BTBD9: variants seen among roughly 807,000 people sequenced by gnomAD.
The protein encoded by BTBD9 is BTB/POZ domain-containing protein 9.
BTBD9 carries 49 observed loss-of-function variants against 64.3 expected under a neutral mutation model. That is an observed-to-expected ratio of 0.76 (90% CI 0.61 to 0.97). The LOEUF (loss-of-function observed/expected upper bound fraction) is 0.97, where lower values mean the gene tolerates loss of function less well. Ranked by LOEUF, BTBD9 falls within the 50% of genes least tolerant of loss-of-function variation. The pLI is 0.00. For missense variants in BTBD9, 598 were observed against 762.1 expected (o/e 0.78, Z 2.53); for synonymous variants, 260 against 274.7 (o/e 0.95, Z 0.53).
At chr6:38,607,766 A>AG (rs1451550748) in intron 1 of BTBD9, among the ~76,000 whole-genome samples, 1 of 87,104 alleles carries the variant, frequency 1.1e-5, no homozygotes, top group Non-Finnish European at 2.2e-5. Flanking sequence ...AAGACTCCCA[A>AG]GGCAAAAAAA....
intron 4 of BTBD9, among the ~76,000 whole-genome samples, chr6:38,590,085 A>C (rs905638813): frequency 6.6e-6 from 1 of 152,218 alleles, no homozygotes; most frequent in African/African-American, 2.4e-5. Context: ...GCATTCACCA[A>C]GCATTCACCA....
chr6:38,318,759 C>A (rs1456977360), intron 7 of BTBD9, among the ~76,000 whole-genome samples: 4 of 152,182 alleles, frequency 2.6e-5, no homozygotes, highest in African/African-American at 7.2e-5. Context: ...ACCACTGTAA[C>A]CACTACCTAG....
chr6:38,184,797 G>GT lies in BTBD9; in HGVS notation c.1641+7721dup, dbSNP rs1427626608. ...TTTTTCTTTAAGAGTCTGTTTCCCTGTTTTGTTTTTTTCCATTAGAGCCAC... is the reference window on the plus strand; with the variant it reads ...TTTTTCTTTAAGAGTCTGTTTCCCTGTTTTTGTTTTTTTCCATTAGAGCCAC... On this transcript the variant is annotated intron_variant, in intron 10 of 10. Transcript: ENST00000481247. The surrounding 1 kb of genome is among the most constrained non-coding windows in gnomAD (Gnocchi z 4.4). Among the ~76,000 whole-genome samples, 1 of 152,112 alleles carries GT rather than the reference G, an allele frequency of 6.6e-6. No individual in the cohort carries two copies. Among genetic ancestry groups the GT allele is most frequent in the African/African-American group, 2.4e-5 (1 of 41,380 alleles).
intron 6 of BTBD9, among the ~76,000 whole-genome samples, chr6:38,451,449 C>T (rs368005316): frequency 6.6e-6 from 1 of 152,110 alleles, no homozygotes; most frequent in East Asian, 1.9e-4. Flanking sequence ...TTTCTTTCAG[C>T]GTTCTCAGGT....
intron 6 of BTBD9, among the ~76,000 whole-genome samples, chr6:38,409,334 C>G (rs1767307527): frequency 1.3e-5 from 2 of 152,304 alleles, no homozygotes; most frequent in South Asian, 4.1e-4. Flanking sequence ...GCTTAATCAG[C>G]ATACTTTTCT....
At chr6:38,537,891 G>A (rs1205056795) in intron 6 of BTBD9, among the ~76,000 whole-genome samples, 5 of 152,110 alleles carry the variant, frequency 3.3e-5, no homozygotes, top group Non-Finnish European at 7.4e-5. Context: ...ACTGTACTCT[G>A]CTATCACCAA....
At chr6:38,566,204 T>A (rs991367163) in intron 6 of BTBD9, 13 of 152,150 alleles carry the variant, frequency 8.5e-5, no homozygotes, top group African/African-American at 2.9e-4. Context: ...TTGTGTATGA[T>A]TACACATAGA....
intron 6 of BTBD9, among the ~76,000 whole-genome samples, chr6:38,546,248 GA>G (rs1774549922): frequency 6.6e-6 from 1 of 152,156 alleles, no homozygotes; most frequent in Non-Finnish European, 1.5e-5. Flanking sequence ...GATCTACAAG[GA>G]CAAGAATGAG....
chr6:38,338,501 A>C (rs1488343660), intron 7 of BTBD9, among the ~76,000 whole-genome samples: 1 of 152,202 alleles, frequency 6.6e-6, no homozygotes, highest in Admixed American at 6.5e-5. Flanking sequence ...GTAACACTTT[A>C]ACGGCCTAAA....
chr6:38,638,442 C>G (rs1038585724), intron 1 of BTBD9, among the ~76,000 whole-genome samples: 18 of 152,182 alleles, frequency 1.2e-4, no homozygotes, highest in Admixed American at 1.1e-3. Context: ...ACCACTTGAG[C>G]ATAGTGTGCT....
At chr6:38,253,235 TTTAA>T (rs2127532913) in intron 9 of BTBD9, among the ~76,000 whole-genome samples, 1 of 152,322 alleles carries the variant, frequency 6.6e-6, no homozygotes, top group Admixed American at 6.5e-5. Flanking sequence ...AACAAAGAGC[TTTAA>T]TTGACTCACA....
intron 6 of BTBD9, among the ~76,000 whole-genome samples, chr6:38,505,889 C>T (rs551576990): frequency 4.4e-5 from 6 of 135,468 alleles, no homozygotes; most frequent in South Asian, 2.4e-4. Flanking sequence ...CACTGGAACC[C>T]GGGAGGCAGA....
chr6:38,281,879 A>G (rs1041020450), intron 8 of BTBD9, among the ~76,000 whole-genome samples: 1 of 152,216 alleles, frequency 6.6e-6, no homozygotes, highest in Non-Finnish European at 1.5e-5. Context: ...TTGCAAAAAC[A>G]TCGTTCAAAC....
chr6:38,618,850 G>A (rs1777886673), intron 1 of BTBD9, among the ~76,000 whole-genome samples: 1 of 152,188 alleles, frequency 6.6e-6, no homozygotes, highest in Admixed American at 6.5e-5. Context: ...AGAGTCTGGA[G>A]ATGCCTGGTA....
chr6:38,211,624 A>C (rs1762838527), intron 9 of BTBD9, among the ~76,000 whole-genome samples: 2 of 150,018 alleles, frequency 1.3e-5, no homozygotes, highest in Admixed American at 6.6e-5. Context: ...CATGCCTATA[A>C]TCCTAGCTAC....
At chr6:38,529,439 T>C (rs1225840760) in intron 6 of BTBD9, among the ~76,000 whole-genome samples, 13 of 152,142 alleles carry the variant, frequency 8.5e-5, no homozygotes, top group East Asian at 1.9e-4. Flanking sequence ...TTAGATCCCT[T>C]TGACTACCTG....
At chr6:38,374,205 G>T (rs1392699269) in intron 6 of BTBD9, among the ~76,000 whole-genome samples, 1 of 146,820 alleles carries the variant, frequency 6.8e-6, no homozygotes, top group African/African-American at 2.5e-5. Flanking sequence ...GGAGGTAAAG[G>T]TCGCAGTGAG....
intron 4 of BTBD9, among the ~76,000 whole-genome samples, chr6:38,586,961 G>T (rs892211550): frequency 1.3e-4 from 20 of 152,066 alleles, no homozygotes; most frequent in Non-Finnish European, 2.5e-4. Context: ...TCCTCGGGAG[G>T]CTGGGGCAGG....
chr6:38,288,336 G>A lies in BTBD9; in HGVS notation c.1390C>T (p.His464Tyr). Residue 464 changes from histidine (H) to tyrosine (Y), a missense_variant, in exon 8 of 11, where the codon CAC becomes TAC. Coordinates refer to ENST00000481247, the MANE Select transcript of BTBD9 (RefSeq NM_001099272.2). ...NYDWDSGYTC[H>Y]QLGSGAIVVQ... ...ACAATCGCACCACTTCCTAGCTGGT[G>A]ACATGTGTAGCCAGAATCCCAGTCA... 1 of 1,614,156 alleles carries A rather than the reference G, an allele frequency of 6.2e-7. No individual in the cohort carries two copies. The highest frequency in any genetic ancestry group is 8.5e-7 in the Non-Finnish European group (1 of 1,180,028).
Sources: gnomAD v4.1 joint callset for allele counts (sites outside exome capture counted in the v4.1 genomes callset) on GRCh38, gnomAD v4.1.1 for gene constraint, Gnocchi (gnomAD v3.1) non-coding constraint, MANE v1.5 for transcripts, NCBI Gene and HGNC (gene_info 2026-07-23, HGNC 2026-07-21) for gene names.